The following TTC28 variants were observed in gnomAD, a reference collection of about 807,000 sequenced individuals.
TTC28 encodes tetratricopeptide repeat domain 28.
In TTC28, 61 loss-of-function variants were observed where a neutral mutation model predicts 198.0. The ratio of observed to expected loss-of-function variants is 0.31; its 90% CI spans 0.25 to 0.38. The LOEUF is 0.38. Ranked by LOEUF, TTC28 falls within the 10% of genes least tolerant of loss-of-function variation. TTC28 has a pLI of 1.00. For missense variants in TTC28, 2,678 were observed against 3,164.0 expected (o/e 0.85, Z 3.69); for synonymous variants, 1,171 against 1,297.8 (o/e 0.90, Z 2.10).
rs1921462295 is a variant in TTC28 at position 28,163,347 on chromosome 22, C to T, written c.1186G>A (p.Ala396Thr). The T allele has an allele frequency of 6.4e-6, 10 of 1,552,108 alleles. No individual in the cohort carries two copies. Among genetic ancestry groups the T allele is most frequent in the Non-Finnish European group, 8.7e-6 (10 of 1,147,090 alleles). The change falls in exon 6 of 23, where the codon GCT (alanine) becomes ACT (threonine). Residue 396 changes from alanine to threonine, a missense_variant. Physicochemically the swap from Ala to Thr is moderately conservative, Grantham distance 58. Transcript: ENST00000397906. ...DLGNKREEAR[A>T]YSNLGSAYHY... ...TAGGCACTGCCCAGGTTGCTATAAG[C>T]CCGGGCCTCTTCTCGCTTGTTCCCC...
intron 5 of TTC28, among the ~76,000 whole-genome samples, chr22:28,225,104 A>G (rs1011969553): frequency 3.9e-5 from 6 of 151,994 alleles, no homozygotes; most frequent in Non-Finnish European, 8.8e-5. Flanking sequence ...GCTGGGCACA[A>G]TGGCTCACCT....
chr22:28,396,831 G>A (rs927765889), intron 2 of TTC28, among the ~76,000 whole-genome samples: 6 of 152,174 alleles, frequency 3.9e-5, no homozygotes, highest in African/African-American at 1.2e-4. Context: ...CAGCAACCAT[G>A]TGATAATCCA....
intron 2 of TTC28, among the ~76,000 whole-genome samples, chr22:28,584,867 T>C (rs1240431133): frequency 2.6e-5 from 4 of 152,202 alleles, no homozygotes; most frequent in Non-Finnish European, 4.4e-5. Context: ...GATGAAGTTC[T>C]GAAAAGTGCT....
At position 28,473,939 on chromosome 22, in the gene TTC28, T is replaced by C. The variant is rs750464218; in HGVS notation, c.381+155613A>G. The stretch of plus-strand genomic sequence containing the variant: ...CTCCTGACACCATGTCCTGGTCTCC[T>C]ATCTTCCAGAACTATGATAAAAGAA... On this transcript the variant is annotated intron_variant, in intron 2 of 22. Coordinates refer to ENST00000397906, the MANE Select transcript of TTC28 (RefSeq NM_001145418.2). 2.6e-4 allele frequency among the ~76,000 whole-genome samples: 39 copies of C among 152,354 alleles called. No homozygotes were observed. The Middle Eastern group carries it at 0.02, about 80-fold the overall frequency.
At chr22:28,537,342 A>ATAAAATAAAAT (rs2049316127) in intron 2 of TTC28, among the ~76,000 whole-genome samples, 1 of 146,416 alleles carries the variant, frequency 6.8e-6, no homozygotes, top group Admixed American at 6.8e-5. Flanking sequence ...ATAAAATAAA[A>ATAAAATAAAAT]ACAAGAATAG....
At chr22:28,607,158 T>C (rs1253091493) in intron 2 of TTC28, among the ~76,000 whole-genome samples, 1 of 152,188 alleles carries the variant, frequency 6.6e-6, no homozygotes, top group Admixed American at 6.5e-5. Flanking sequence ...TCCTGTCACA[T>C]TTTTTCACAA....
At chr22:28,642,405 A>G (rs1328167895) in intron 1 of TTC28, among the ~76,000 whole-genome samples, 1 of 151,692 alleles carries the variant, frequency 6.6e-6, no homozygotes, top group Admixed American at 6.6e-5. Context: ...CTGTGAATAG[A>G]TAATAACAGT....
At chr22:28,147,730 C>T (rs1330736590) in intron 6 of TTC28, among the ~76,000 whole-genome samples, 2 of 152,164 alleles carry the variant, frequency 1.3e-5, no homozygotes, top group East Asian at 1.9e-4. Context: ...AACAATGAAT[C>T]GCTGCATAAG....
At chr22:28,515,391 AC>A (rs1197728766) in intron 2 of TTC28, among the ~76,000 whole-genome samples, 1 of 152,218 alleles carries the variant, frequency 6.6e-6, no homozygotes, top group Non-Finnish European at 1.5e-5. Flanking sequence ...AACATTACTC[AC>A]ATCAAATTAT....
chr22:28,029,752 T>C (rs1174308411), intron 13 of TTC28, among the ~76,000 whole-genome samples: 1 of 152,228 alleles, frequency 6.6e-6, no homozygotes, highest in African/African-American at 2.4e-5. Context: ...AGCCTGGGTC[T>C]GGATGAGTGC....
chr22:28,452,389 C>CAAAAAAAAA (rs71194768), intron 2 of TTC28, among the ~76,000 whole-genome samples: 1 of 43,234 alleles, frequency 2.3e-5, no homozygotes, highest in Non-Finnish European at 3.9e-5. Context: ...GATTCCATCT[C>CAAAAAAAAA]AAAAAAAAAA....
At chr22:28,475,892 A>G (rs1012690435) in intron 2 of TTC28, among the ~76,000 whole-genome samples, 21 of 152,194 alleles carry the variant, frequency 1.4e-4, no homozygotes, top group African/African-American at 1.4e-4. Flanking sequence ...TTCCTTTCCA[A>G]GGAAAAAGCT....
chr22:28,066,787 C>G (rs969948071), intron 12 of TTC28, among the ~76,000 whole-genome samples: 2 of 152,170 alleles, frequency 1.3e-5, no homozygotes, highest in African/African-American at 4.8e-5. Context: ...GTCCCCCTAA[C>G]CCTCTTCATG....
chr22:28,197,623 T>A (rs905683301), intron 5 of TTC28, among the ~76,000 whole-genome samples: 1 of 152,084 alleles, frequency 6.6e-6, no homozygotes, highest in Non-Finnish European at 1.5e-5. Context: ...TTTAAATTTA[T>A]GTCAAAAACA....
intron 2 of TTC28, among the ~76,000 whole-genome samples, chr22:28,581,027 C>T (rs1233153482): frequency 6.6e-6 from 1 of 151,902 alleles, no homozygotes; most frequent in Non-Finnish European, 1.5e-5. Context: ...TTTATACATC[C>T]AATATGGTTT....
intron 2 of TTC28, among the ~76,000 whole-genome samples, chr22:28,484,653 G>A (rs1032605447): frequency 1.3e-5 from 2 of 152,066 alleles, no homozygotes; most frequent in South Asian, 4.2e-4. Context: ...TCTCTCCCAT[G>A]GACACTAAAC....
At chr22:28,438,543 T>C (rs17412920) in intron 2 of TTC28, among the ~76,000 whole-genome samples, 39,950 of 152,106 alleles carry the variant, frequency 0.26, 6,580 homozygotes, top group South Asian at 0.39. Flanking sequence ...CTATTAATGG[T>C]CTTTTATTAT....
At chr22:28,297,957 G>T in intron 3 of TTC28, 105 bp from the exon 4 acceptor site, 1 of 1,310,368 alleles carries the variant, frequency 7.6e-7, no homozygotes, top group Non-Finnish European at 1.0e-6. Flanking sequence ...CATATCTTTT[G>T]TGGCTTATTT....
intron 2 of TTC28, among the ~76,000 whole-genome samples, chr22:28,451,891 T>A (rs2047783239): frequency 6.6e-6 from 1 of 152,196 alleles, no homozygotes; most frequent in East Asian, 1.9e-4. Flanking sequence ...TCATACTTAA[T>A]TAAAACTTAT....
Sources: allele counts gnomAD v4.1 joint callset (sites outside exome capture counted in the v4.1 genomes callset), GRCh38; gene constraint gnomAD v4.1.1; transcripts MANE v1.5; gene names NCBI Gene and HGNC (gene_info 2026-07-23, HGNC 2026-07-21).